The following PTPRM variants were observed in gnomAD, a reference collection of about 807,000 sequenced individuals.
PTPRM encodes protein tyrosine phosphatase receptor type M.
In PTPRM, 47 loss-of-function variants were observed where a neutral mutation model predicts 186.7. The ratio of observed to expected loss-of-function variants is 0.25; its 90% CI spans 0.20 to 0.32. PTPRM has a LOEUF of 0.32. Ranked by LOEUF, PTPRM falls within the 10% of genes least tolerant of loss-of-function variation. The pLI is 1.00. For synonymous variants in PTPRM, 668 were observed against 674.9 expected, an observed-to-expected ratio of 0.99 and a Z score of 0.16; for missense variants, 1,494 against 1,865.0, an observed-to-expected ratio of 0.80 and a Z score of 3.66.
At chr18:7,778,167 A>C (rs1036394732) in intron 2 of PTPRM, among the ~76,000 whole-genome samples, 1 of 152,228 alleles carries the variant, frequency 6.6e-6, no homozygotes, top group African/African-American at 2.4e-5. Context: ...ATTTTAAAAA[A>C]TTAAAATGCA....
At chr18:8,114,113 CA>C (rs1446122812) in intron 12 of PTPRM, among the ~76,000 whole-genome samples, 1 of 152,048 alleles carries the variant, frequency 6.6e-6, no homozygotes, top group Non-Finnish European at 1.5e-5. Flanking sequence ...GTGAGATTCA[CA>C]GCATCTGTCT....
At chr18:8,253,474 T>C (rs1216596569) in intron 19 of PTPRM, 60 bp downstream of exon 19, 1 of 1,335,750 alleles carries the variant, frequency 7.5e-7, no homozygotes, top group Non-Finnish European at 9.7e-7. Flanking sequence ...TGCCAGGTAC[T>C]GTGCTCCCAA....
intron 14 of PTPRM, among the ~76,000 whole-genome samples, chr18:8,238,259 G>A (rs2094369485): frequency 6.6e-6 from 1 of 152,000 alleles, no homozygotes; most frequent in Non-Finnish European, 1.5e-5. Flanking sequence ...TTGCCCCATG[G>A]TTTTGGGATA....
At chr18:7,593,193 A>G (rs145970475) in intron 1 of PTPRM, among the ~76,000 whole-genome samples, 1 of 152,298 alleles carries the variant, frequency 6.6e-6, no homozygotes, top group Non-Finnish European at 1.5e-5. Context: ...TAATAAACTC[A>G]TGGTTTGTTT....
At chr18:7,939,233 T>G (rs996422255) in intron 5 of PTPRM, among the ~76,000 whole-genome samples, 4 of 152,036 alleles carry the variant, frequency 2.6e-5, no homozygotes, top group African/African-American at 4.8e-5. Flanking sequence ...AAAGTGCCGT[T>G]TAATCCCCAC....
At position 8,205,345 on chromosome 18, in the gene PTPRM, C is replaced by A. The variant is rs62091287; in HGVS notation, c.2301-38713C>A. Reference sequence around the variant, plus strand: ...TCTCCAAACAAACATCCCTATTATCCCTACATACAGGTATAGCCTTAGGTT... The same window carrying A: ...TCTCCAAACAAACATCCCTATTATCACTACATACAGGTATAGCCTTAGGTT... On this transcript the variant is annotated intron_variant, in intron 14 of 32. Transcript: ENST00000580170. Among the ~76,000 whole-genome samples, 1,096 of 151,984 alleles carry A rather than the reference C, an allele frequency of 7.2e-3. 11 individuals are homozygous for A. Among genetic ancestry groups the A allele is most frequent in the Non-Finnish European group, 8.0e-3 (544 of 67,962 alleles).
intron 7 of PTPRM, among the ~76,000 whole-genome samples, chr18:7,960,474 T>TACAC (rs1299278137): frequency 4.5e-5 from 5 of 111,296 alleles, no homozygotes; most frequent in African/African-American, 1.6e-4. Flanking sequence ...TATATATATA[T>TACAC]ATATATACAC....
chr18:7,693,119 C>A (rs978816948), intron 1 of PTPRM, among the ~76,000 whole-genome samples: 2 of 152,284 alleles, frequency 1.3e-5, no homozygotes, highest in African/African-American at 4.8e-5. Flanking sequence ...CTGTGGCTAG[C>A]AGGCCGAGTT....
intron 19 of PTPRM, among the ~76,000 whole-genome samples, chr18:8,289,435 T>C (rs2094998405): frequency 7.3e-6 from 1 of 136,708 alleles, no homozygotes; most frequent in Non-Finnish European, 1.5e-5. Flanking sequence ...TATATATATG[T>C]ATATATACGT....
chr18:8,041,297 G>T (rs573618724), intron 7 of PTPRM, among the ~76,000 whole-genome samples: 1 of 151,918 alleles, frequency 6.6e-6, no homozygotes, highest in African/African-American at 2.4e-5. Flanking sequence ...GCTCAGGTGT[G>T]GATCATGGAT....
At chr18:8,336,629 G>A (rs1001686588) in intron 22 of PTPRM, among the ~76,000 whole-genome samples, 1 of 85,992 alleles carries the variant, frequency 1.2e-5, no homozygotes, top group Non-Finnish European at 2.8e-5. Flanking sequence ...GGAGGGAGAG[G>A]AGGAGGAGGA....
intron 1 of PTPRM, among the ~76,000 whole-genome samples, chr18:7,757,501 G>A (rs1417498018): frequency 6.6e-6 from 1 of 152,172 alleles, no homozygotes; most frequent in Non-Finnish European, 1.5e-5. Context: ...GTATCCTTCA[G>A]TCTTGCTACC....
intron 1 of PTPRM, among the ~76,000 whole-genome samples, chr18:7,643,161 G>C (rs2038483767): frequency 6.6e-6 from 1 of 151,928 alleles, no homozygotes; most frequent in Non-Finnish European, 1.5e-5. Flanking sequence ...GAAAACACAT[G>C]TCCTCCCATG....
chr18:8,270,095 G>A (rs2094751987), intron 19 of PTPRM: 1 of 151,814 alleles, frequency 6.6e-6, no homozygotes, highest in African/African-American at 2.4e-5. Context: ...TTATATCAAA[G>A]TACAAAACTT....
At chr18:8,032,696 C>T (rs1226335873) in intron 7 of PTPRM, among the ~76,000 whole-genome samples, 1 of 151,726 alleles carries the variant, frequency 6.6e-6, no homozygotes, top group Middle Eastern at 3.2e-3. Flanking sequence ...ATGATTTGCC[C>T]CCATCATATA....
intron 13 of PTPRM, among the ~76,000 whole-genome samples, chr18:8,130,180 C>A (rs1375777277): frequency 6.6e-6 from 1 of 152,134 alleles, no homozygotes; most frequent in Non-Finnish European, 1.5e-5. Flanking sequence ...CTGATTATTT[C>A]TCAAGTCATG....
At chr18:8,317,475 G>A (rs1307423595) in intron 21 of PTPRM, among the ~76,000 whole-genome samples, 3 of 152,124 alleles carry the variant, frequency 2.0e-5, no homozygotes, top group Non-Finnish European at 2.9e-5. Flanking sequence ...AAAAGGTCTA[G>A]GCTGGAAACA....
At chr18:8,134,213 C>T (rs1490554960) in intron 13 of PTPRM, among the ~76,000 whole-genome samples, 2 of 152,190 alleles carry the variant, frequency 1.3e-5, no homozygotes, top group African/African-American at 4.8e-5. Flanking sequence ...CCTGCTTTTA[C>T]ACTTATATGT....
intron 11 of PTPRM, among the ~76,000 whole-genome samples, chr18:8,094,177 T>C (rs1426647494): frequency 1.3e-5 from 2 of 152,162 alleles, no homozygotes; most frequent in African/African-American, 2.4e-5. Flanking sequence ...AAAAAACTTA[T>C]AGTGTAAAAC....
Sources: gnomAD v4.1 joint callset for allele counts (sites outside exome capture counted in the v4.1 genomes callset) on GRCh38, gnomAD v4.1.1 for gene constraint, MANE v1.5 for transcripts, NCBI Gene and HGNC (gene_info 2026-07-23, HGNC 2026-07-21) for gene names.